Variants in MICB observed in about 807,000 individuals in gnomAD.
MICB encodes MHC class I antigen-related protein B.
MICB carries 27 observed loss-of-function variants against 34.3 expected under a neutral mutation model. That is an observed-to-expected ratio of 0.79 (90% CI 0.58 to 1.08). MICB has a LOEUF of 1.08. MICB is among the 50% of genes least tolerant of loss of function. The pLI is 0.00. For missense variants in MICB, 426 were observed against 483.1 expected, an observed-to-expected ratio of 0.88 and a Z score of 1.11; for synonymous variants, 153 against 187.4, an observed-to-expected ratio of 0.82 and a Z score of 1.50.
In MICB at chr6:31,505,675, A is replaced by G; in HGVS notation, c.129A>G (p.Ser43=). 1 of 1,613,000 alleles carries G rather than the reference A, an allele frequency of 6.2e-7. No individual in the cohort carries two copies. Among genetic ancestry groups the G allele is most frequent in the African/African-American group, 1.3e-5 (1 of 75,054 alleles). Residue 43 remains serine (S), a synonymous_variant, in exon 2 of 6, where the codon TCA becomes TCG. Coordinates refer to ENST00000252229, the MANE Select transcript of MICB (RefSeq NM_005931.5). ...MVLSQDGSVQ[S]GFLAEGHLDG... ...TGTCCCAGGATGGATCTGTGCAGTC[A>G]GGGTTTCTCGCTGAGGGACATCTGG...
intron 1 of MICB, among the ~76,000 whole-genome samples, chr6:31,501,699 C>T (rs948367681): frequency 2.0e-5 from 3 of 152,122 alleles, no homozygotes; most frequent in Admixed American, 2.0e-4. Context: ...CTCCTTTGCC[C>T]TGTATGTGTT....
In MICB at chr6:31,507,842, CTAGG is replaced by C. The variant is rs201803473; in HGVS notation, c.1024+312_1024+315del. On this transcript the variant is annotated intron_variant, in intron 5 of 5. Transcript: ENST00000252229. The surrounding 1 kb of genome is among the most constrained non-coding windows in gnomAD (Gnocchi z 6.0). ...CCAGCCTCTCTGTCTCTCGGGCTCA[CTAGG>C]GTGCGTCCAGGTGGGGTGAGTTGGG... Among the ~76,000 whole-genome samples the C allele has an allele frequency of 0.16, 24,461 of 152,070 alleles. 2,115 individuals carry two copies. The highest frequency in any genetic ancestry group is 0.2 in the African/African-American group (8,409 of 41,474).
At position 31,507,831 on chromosome 6, in the gene MICB, T is replaced by C. The variant is rs1372202228; in HGVS notation, c.1024+300T>C. On this transcript the variant is annotated intron_variant, in intron 5 of 5. Transcript: ENST00000252229. This position sits in a 1 kb window ranked among gnomAD's most constrained non-coding sequence, Gnocchi z 6.0. ...CTGTCCCCATCCCAGCCTCTCTGTCTCTCGGGCTCACTAGGGTGCGTCCAG... is the reference window on the plus strand; with the variant it reads ...CTGTCCCCATCCCAGCCTCTCTGTCCCTCGGGCTCACTAGGGTGCGTCCAG... 6.8e-6 allele frequency among the ~76,000 whole-genome samples: 1 copy of C among 147,804 alleles called. No homozygotes were observed. The highest frequency in any genetic ancestry group is 2.5e-5 in the African/African-American group (1 of 39,614).
Position 31,507,032 on chromosome 6 carries a change from G to A in MICB, c.624G>A (p.Met208Ile). The A allele has an allele frequency of 6.2e-7, 1 of 1,613,418 alleles. No homozygotes were observed. ...CCCTTTCTTCTCCAGTGCCCCCCAT[G>A]GTGAATGTCACCTGCAGCGAGGTCT... is the stretch of plus-strand genomic sequence containing the variant. ...GVAIRRTVPPMVNVTCSEVSE... is the reference protein window; with the variant it reads ...GVAIRRTVPPIVNVTCSEVSE... The change falls in exon 4 of 6, where the codon ATG becomes ATA. Residue 208 changes from methionine (M) to isoleucine (I), a missense_variant. By Grantham distance (10) the Met-to-Ile change is conservative. Transcript: ENST00000252229. This position sits in a 1 kb window ranked among gnomAD's most constrained non-coding sequence, Gnocchi z 6.0.
At chr6:31,499,454 GC>G (rs1764898878) in intron 1 of MICB, among the ~76,000 whole-genome samples, 1 of 151,848 alleles carries the variant, frequency 6.6e-6, no homozygotes, top group African/African-American at 2.4e-5. Context: ...TCCTTTATGG[GC>G]CTTTCCTGCA....
rs747652046 is a variant in MICB, at chr6:31,507,087, G to C, written c.679G>C (p.Ala227Pro). ...SEGNITVTCR[A>P]SSFYPRNITL... ...GGGCAACATCACCGTGACATGCAGG[G>C]CTTCCAGCTTCTATCCCCGGAATAT... The change falls in exon 4 of 6, where the codon GCT (alanine) becomes CCT (proline). Residue 227 changes from alanine to proline, a missense_variant. Ala to Pro is a conservative substitution (Grantham distance 27, BLOSUM62 -1). Transcript: ENST00000252229. This position sits in a 1 kb window ranked among gnomAD's most constrained non-coding sequence, Gnocchi z 6.0. 3.1e-5 allele frequency: 50 copies of C among 1,613,886 alleles called. No individual in the cohort carries two copies. The highest frequency in any genetic ancestry group is 4.2e-5 in the Non-Finnish European group (49 of 1,179,900).
chr6:31,498,498 G>C, intron 1 of MICB, among the ~76,000 whole-genome samples: 1 of 122,554 alleles, frequency 8.2e-6, no homozygotes, highest in Non-Finnish European at 1.6e-5. Context: ...CTGAGACGGA[G>C]TCTCTGTCGC....
chr6:31,498,206 C>G lies in MICB; in HGVS notation c.13C>G (p.Arg5Gly). Reference protein sequence around the residue: MGLGRVLLFLAVAFP... With the variant: MGLGGVLLFLAVAFP... ...CGACGTAGGGGCCATGGGGCTGGGCCGGGTCCTGCTGTTTCTGGCCGTCGC... is the reference window on the plus strand; with the variant it reads ...CGACGTAGGGGCCATGGGGCTGGGCGGGGTCCTGCTGTTTCTGGCCGTCGC... Residue 5 changes from arginine (R) to glycine (G), a missense_variant, in exon 1 of 6, where the codon CGG (arginine) becomes GGG (glycine). Physicochemically the swap from Arg to Gly is moderately radical, Grantham distance 125 (BLOSUM62 -2). Transcript: ENST00000252229. 1 of 1,584,386 alleles carries G rather than the reference C, an allele frequency of 6.3e-7. No homozygotes were observed. The highest frequency in any genetic ancestry group is 8.6e-7 in the Non-Finnish European group (1 of 1,163,622).
chr6:31,506,467 A>T, intron 3 of MICB, 37 bp downstream of exon 3: 1 of 1,597,688 alleles, frequency 6.3e-7, no homozygotes, highest in Non-Finnish European at 8.5e-7. Flanking sequence ...TGTTCCCGCA[A>T]TTCTGCTAGA....
intron 1 of MICB, among the ~76,000 whole-genome samples, chr6:31,505,217 C>T (rs905119676): frequency 3.3e-5 from 5 of 152,004 alleles, no homozygotes; most frequent in African/African-American, 1.2e-4. Flanking sequence ...GCACCACAGC[C>T]ACACTGGACA....
upstream of MICB, among the ~76,000 whole-genome samples, chr6:31,496,238 G>A (rs957115242): frequency 6.6e-6 from 1 of 152,174 alleles, no homozygotes; most frequent in Non-Finnish European, 1.5e-5. Flanking sequence ...TTATTATTGA[G>A]AATTGAGAAT....
Position 31,498,185 on chromosome 6 carries a change from G to A in MICB, c.-9G>A, listed in dbSNP as rs753680228. On this transcript the variant is annotated 5_prime_UTR_variant, in exon 1 of 6. Transcript: ENST00000252229. ...GCTGAGCAGCTGAGAAGGTGGCGAC[G>A]TAGGGGCCATGGGGCTGGGCCGGGT... is the stretch of plus-strand genomic sequence containing the variant. 2 of 1,577,864 alleles carry A rather than the reference G, an allele frequency of 1.3e-6. No individual in the cohort carries two copies. Among genetic ancestry groups the A allele is most frequent in the Non-Finnish European group, 1.7e-6 (2 of 1,159,974 alleles).
At chr6:31,498,549 G>A (rs1764819786) in intron 1 of MICB, 1 of 170,512 alleles carries the variant, frequency 5.9e-6, no homozygotes. Flanking sequence ...CTCACTGCAA[G>A]CGCCGCCTCC....
chr6:31,496,312 A>G (rs1318235001), upstream of MICB, among the ~76,000 whole-genome samples: 1 of 152,088 alleles, frequency 6.6e-6, no homozygotes, highest in Non-Finnish European at 1.5e-5. Flanking sequence ...GCATAATCAC[A>G]AGGTTGTGCC....
At chr6:31,496,975 C>G (rs1764702060), upstream of MICB, among the ~76,000 whole-genome samples, 1 of 152,140 alleles carries the variant, frequency 6.6e-6, no homozygotes, top group South Asian at 2.1e-4. Context: ...TGGTGCCAGA[C>G]AATAGATTGT....
intron 2 of MICB, 95 bp downstream of exon 2, chr6:31,505,966 G>C (rs1252062440): frequency 8.7e-6 from 13 of 1,496,752 alleles, no homozygotes; most frequent in East Asian, 2.5e-5. Context: ...GGATCTGGCT[G>C]GGGGTGGGGA....
Position 31,506,381 on chromosome 6 carries a change from G to A in MICB, c.564G>A (p.Leu188=). ...THYRAMQADC[L]QKLQRYLKSG... ...ATCGCGCTATGCAGGCAGACTGCCTGCAGAAACTACAGCGATATCTGAAAT... is the reference window on the plus strand; with the variant it reads ...ATCGCGCTATGCAGGCAGACTGCCTACAGAAACTACAGCGATATCTGAAAT... Residue 188 remains leucine, a synonymous_variant, in exon 3 of 6, where the codon CTG becomes CTA. Coordinates refer to ENST00000252229, the MANE Select transcript of MICB (RefSeq NM_005931.5). The A allele has an allele frequency of 6.2e-7, 1 of 1,614,188 alleles. No individual in the cohort carries two copies. Among genetic ancestry groups the A allele is most frequent in the Non-Finnish European group, 8.5e-7 (1 of 1,180,020 alleles).
chr6:31,507,356 G>T lies in MICB; in HGVS notation c.893-44G>T. The T allele has an allele frequency of 6.2e-7, 1 of 1,613,680 alleles. No individual in the cohort carries two copies. Among genetic ancestry groups the T allele is most frequent in the Non-Finnish European group, 8.5e-7 (1 of 1,179,796 alleles). The stretch of plus-strand genomic sequence containing the variant: ...GGCCAGGGTAGGAACAGCAAGGACG[G>T]CTGTGGCTCTCTGCCCAGTGTATAA... On this transcript the variant is annotated intron_variant, in intron 4 of 5. Transcript: ENST00000252229. This position sits in a 1 kb window ranked among gnomAD's most constrained non-coding sequence, Gnocchi z 6.0.
rs1325464163 is a variant in MICB, at chr6:31,507,726, C to T, written c.1024+195C>T. On this transcript the variant is annotated intron_variant, in intron 5 of 5. Coordinates refer to ENST00000252229, the MANE Select transcript of MICB (RefSeq NM_005931.5). This position sits in a 1 kb window ranked among gnomAD's most constrained non-coding sequence, Gnocchi z 6.0. ...AGTGCTTCCCAAGCCAGGGCTGGGG[C>T]AAGGCCTTCGAATATCCAGCTGTGG... Among the ~76,000 whole-genome samples the T allele has an allele frequency of 6.6e-6, 1 of 152,152 alleles. No individual in the cohort carries two copies. Among genetic ancestry groups the T allele is most frequent in the Non-Finnish European group, 1.5e-5 (1 of 68,026 alleles).
Sources: allele counts gnomAD v4.1 joint callset (sites outside exome capture counted in the v4.1 genomes callset), GRCh38; gene constraint gnomAD v4.1.1; non-coding constraint Gnocchi (gnomAD v3.1); transcripts MANE v1.5; gene names NCBI Gene and HGNC (gene_info 2026-07-23, HGNC 2026-07-21).